The following ZNF175 variants were observed in gnomAD, a reference collection of about 807,000 sequenced individuals.
ZNF175 encodes the protein zinc finger protein OTK18.
Under a neutral mutation model 14.0 loss-of-function variants are expected in ZNF175, and 8 were observed. The ratio of observed to expected loss-of-function variants is 0.57; its 90% CI spans 0.34 to 1.03. The LOEUF (loss-of-function observed/expected upper bound fraction) is 1.03, where lower values mean the gene tolerates loss of function less well. Among genes scored for constraint, ZNF175 ranks in the 50% least tolerant of loss-of-function variants. The probability of loss-of-function intolerance (pLI) is 0.03; values close to 1 mark genes in which losing one functional copy is unlikely to be tolerated. For synonymous variants in ZNF175, 255 were observed against 296.8 expected (o/e 0.86, Z 1.45); for missense variants, 764 against 849.5 (o/e 0.90, Z 1.25).
Position 51,587,616 on chromosome 19 carries a change from A to G in ZNF175, c.1285A>G (p.Thr429Ala), listed in dbSNP as rs1353170505. Residue 429 changes from threonine (T) to alanine (A), a missense_variant, in exon 5 of 5, where the codon ACC becomes GCC. By Grantham distance (58) the Thr-to-Ala change is moderately conservative. Coordinates refer to ENST00000262259, the MANE Select transcript of ZNF175 (RefSeq NM_007147.4). ...YACSECGKAF[T>A]QKSTLSLHQR... ...ATGCAGTGAATGTGGGAAAGCCTTT[A>G]CCCAGAAGTCAACACTCAGCTTGCA... 2 of 1,614,208 alleles carry G rather than the reference A, an allele frequency of 1.2e-6. No individual in the cohort carries two copies. Among genetic ancestry groups the G allele is most frequent in the Non-Finnish European group, 1.7e-6 (2 of 1,180,040 alleles).
At chr19:51,578,673 C>T (rs1192949012) in intron 2 of ZNF175, among the ~76,000 whole-genome samples, 2 of 152,074 alleles carry the variant, frequency 1.3e-5, no homozygotes, top group Non-Finnish European at 2.9e-5. Context: ...GAGGCTGACA[C>T]GGGAGAATCA....
intron 4 of ZNF175, among the ~76,000 whole-genome samples, chr19:51,585,008 G>A (rs1027854213): frequency 6.6e-6 from 1 of 152,108 alleles, no homozygotes; most frequent in African/African-American, 2.4e-5. Flanking sequence ...TGAAAGCAAG[G>A]ACCCAAACAG....
At chr19:51,573,750 C>G in intron 2 of ZNF175, 2 of 384,962 alleles carry the variant, frequency 5.2e-6, no homozygotes, top group Non-Finnish European at 9.1e-6. Flanking sequence ...CAAGTGGTCC[C>G]CCCCACCAAA....
Position 51,586,957 on chromosome 19 carries a change from T to C in ZNF175, c.626T>C (p.Leu209Pro), listed in dbSNP as rs1288707400. 1 of 1,614,204 alleles carries C rather than the reference T, an allele frequency of 6.2e-7. No homozygotes were observed. The highest frequency in any genetic ancestry group is 1.1e-5 in the South Asian group (1 of 91,084). Residue 209 changes from leucine (L) to proline (P), a missense_variant, in exon 5 of 5, where the codon CTA becomes CCA. Transcript: ENST00000262259. Reference protein sequence around the residue: ...CLFTESLKLNLEVNGQNESND... With the variant: ...CLFTESLKLNPEVNGQNESND... ...TTTACAGAAAGTTTGAAGCTGAACCTAGAAGTGAACGGTCAGAATGAAAGC... is the reference window on the plus strand; with the variant it reads ...TTTACAGAAAGTTTGAAGCTGAACCCAGAAGTGAACGGTCAGAATGAAAGC...
chr19:51,573,525 C>G, intron 2 of ZNF175, 124 bp downstream of exon 2: 1 of 848,394 alleles, frequency 1.2e-6, no homozygotes, highest in East Asian at 2.6e-5. Context: ...ACCACAGAGG[C>G]TGATGTTTCC....
intron 4 of ZNF175, among the ~76,000 whole-genome samples, chr19:51,584,273 A>G (rs1600085244): frequency 6.6e-6 from 1 of 152,366 alleles, no homozygotes; most frequent in East Asian, 1.9e-4. Context: ...TTAAGGGCAT[A>G]GTACCTATAA....
intron 4 of ZNF175, among the ~76,000 whole-genome samples, chr19:51,583,447 A>T (rs1409076802): frequency 1.3e-5 from 2 of 152,088 alleles, no homozygotes; most frequent in African/African-American, 2.4e-5. Flanking sequence ...CTCTAATTTA[A>T]TTTATTACTT....
chr19:51,592,336 A>C lies in ZNF175; in HGVS notation c.*3869A>C. ...TAATTTCTCCAGCAGCACAATGGGAATAATAATAGATCTCGCCTTGTGGCT... is the reference window on the plus strand; with the variant it reads ...TAATTTCTCCAGCAGCACAATGGGACTAATAATAGATCTCGCCTTGTGGCT... On this transcript the variant is annotated 3_prime_UTR_variant, in exon 5 of 5. Transcript: ENST00000262259. 4 of 309,776 alleles carry C rather than the reference A, an allele frequency of 1.3e-5. No individual in the cohort carries two copies. The highest frequency in any genetic ancestry group is 2.2e-5 in the African/African-American group (1 of 45,936). The allele number at this position is 309,776 out of a possible 1,614,324, so 19.2% of individuals were successfully genotyped here. A position where few individuals can be genotyped will look rare whatever the true frequency, so the allele number is the denominator to read the frequency against.
chr19:51,587,131 T>C lies in ZNF175; in HGVS notation c.800T>C (p.Leu267Pro). ...AAAGTCTGTGGCCATAAACAGTCACTCAAGCAACATCAAATTCATACTCAG... is the reference window on the plus strand; with the variant it reads ...AAAGTCTGTGGCCATAAACAGTCACCCAAGCAACATCAAATTCATACTCAG... ...CRKVCGHKQSLKQHQIHTQKK... is the reference protein window; with the variant it reads ...CRKVCGHKQSPKQHQIHTQKK... The change falls in exon 5 of 5, where the codon CTC becomes CCC. Residue 267 changes from leucine (L) to proline (P), a missense_variant. Coordinates refer to ENST00000262259, the MANE Select transcript of ZNF175 (RefSeq NM_007147.4). 1 of 1,614,172 alleles carries C rather than the reference T, an allele frequency of 6.2e-7. No homozygotes were observed.
intron 2 of ZNF175, among the ~76,000 whole-genome samples, chr19:51,577,681 T>TTTTA (rs1981836602): frequency 1.3e-5 from 2 of 149,970 alleles, no homozygotes; most frequent in African/African-American, 4.9e-5. Flanking sequence ...TTTTTTTTTT[T>TTTTA]GAGATGGAGT....
At chr19:51,578,141 G>A (rs1275022067) in intron 2 of ZNF175, among the ~76,000 whole-genome samples, 1 of 151,776 alleles carries the variant, frequency 6.6e-6, no homozygotes, top group Non-Finnish European at 1.5e-5. Flanking sequence ...GCTCACGCCT[G>A]TAATCCCAGC....
rs151102349 is a variant in ZNF175, at chr19:51,587,908, C to A, written c.1577C>A (p.Thr526Asn). Reference protein sequence around the residue: ...SHLNIHQKIHTGERHHVCSEC... With the variant: ...SHLNIHQKIHNGERHHVCSEC... ...CTGAATATACACCAGAAAATTCATACTGGAGAAAGACACCATGTATGCAGT... is the reference window on the plus strand; with the variant it reads ...CTGAATATACACCAGAAAATTCATAATGGAGAAAGACACCATGTATGCAGT... The change falls in exon 5 of 5, where the codon ACT becomes AAT. Residue 526 changes from threonine (T) to asparagine (N), a missense_variant. Coordinates refer to ENST00000262259, the MANE Select transcript of ZNF175 (RefSeq NM_007147.4). The A allele has an allele frequency of 6.2e-7, 1 of 1,614,012 alleles. No individual in the cohort carries two copies. Among genetic ancestry groups the A allele is most frequent in the Non-Finnish European group, 8.5e-7 (1 of 1,180,022 alleles).
At chr19:51,573,727 C>G (rs959745087) in intron 2 of ZNF175, 9 of 398,372 alleles carry the variant, frequency 2.3e-5, no homozygotes, top group African/African-American at 1.2e-4. Context: ...ACCACTGGGT[C>G]TTTGAAAAAT....
rs902274827 is a variant in ZNF175, at chr19:51,588,022, G to T, written c.1691G>T (p.Cys564Phe). 4 of 1,614,102 alleles carry T rather than the reference G, an allele frequency of 2.5e-6. No individual in the cohort carries two copies. The African/African-American group carries it at 4.0e-5, about 16-fold the overall frequency. The change falls in exon 5 of 5, where the codon TGT (cysteine) becomes TTT (phenylalanine). Residue 564 changes from cysteine to phenylalanine, a missense_variant. Coordinates refer to ENST00000262259, the MANE Select transcript of ZNF175 (RefSeq NM_007147.4). ...TGEKPYKCSE[C>F]GKAFTSKSQF... ...GAGAAGCCTTACAAATGCAGTGAAT[G>T]TGGGAAAGCCTTCACTTCTAAGTCT... is the stretch of plus-strand genomic sequence containing the variant.
chr19:51,581,916 C>T (rs1295384409), intron 4 of ZNF175, 34 bp downstream of exon 4: 1 of 1,578,984 alleles, frequency 6.3e-7, no homozygotes, highest in East Asian at 2.2e-5. Flanking sequence ...ATGTAGATAT[C>T]TTTGCAGGGA....
rs968374882 is a variant in ZNF175 at position 51,588,742 on chromosome 19, G to A, written c.*275G>A. ...TCCCCGGGAAGAAACCCTGACTAACGCATTGAGAAAAGCCTTTCTGTAAAG... is the reference window on the plus strand; with the variant it reads ...TCCCCGGGAAGAAACCCTGACTAACACATTGAGAAAAGCCTTTCTGTAAAG... On this transcript the variant is annotated 3_prime_UTR_variant, in exon 5 of 5. Transcript: ENST00000262259. 1.2e-5 allele frequency: 5 copies of A among 427,612 alleles called. No individual in the cohort carries two copies. Among genetic ancestry groups the A allele is most frequent in the African/African-American group, 4.1e-5 (2 of 48,784 alleles). 26.5% of individuals were successfully genotyped at this position (427,612 alleles called of 1,614,324 possible).
chr19:51,578,942 C>A (rs1160940072), intron 2 of ZNF175, among the ~76,000 whole-genome samples: 1 of 152,072 alleles, frequency 6.6e-6, no homozygotes, highest in Non-Finnish European at 1.5e-5. Context: ...CATGCTGAAA[C>A]CCCATCTCTA....
chr19:51,588,132 A>G lies in ZNF175; in HGVS notation c.1801A>G (p.Asn601Asp), dbSNP rs142309765. 4.3e-6 allele frequency: 7 copies of G among 1,614,020 alleles called. No homozygotes were observed. The highest frequency in any genetic ancestry group is 1.3e-5 in the African/African-American group (1 of 74,916). ...ECGKAFNGRS[N>D]FHKHQITHTR... is the part of the protein sequence containing the mutation. Reference sequence around the variant, plus strand: ...TGGGAAGGCCTTCAACGGCAGGTCAAATTTCCATAAACATCAAATAACTCA... The same window carrying G: ...TGGGAAGGCCTTCAACGGCAGGTCAGATTTCCATAAACATCAAATAACTCA... Residue 601 changes from asparagine (N) to aspartate (D), a missense_variant, in exon 5 of 5, where the codon AAT (asparagine) becomes GAT (aspartate). Physicochemically the swap from Asn to Asp is conservative, Grantham distance 23. Coordinates refer to ENST00000262259, the MANE Select transcript of ZNF175 (RefSeq NM_007147.4).
At chr19:51,571,942 G>T (rs999448162) in intron 1 of ZNF175, among the ~76,000 whole-genome samples, 1 of 152,166 alleles carries the variant, frequency 6.6e-6, no homozygotes, top group Non-Finnish European at 1.5e-5. Context: ...GAGGCGTAGG[G>T]GGTCAATGAT....
Sources: allele counts gnomAD v4.1 joint callset (sites outside exome capture counted in the v4.1 genomes callset), GRCh38; gene constraint gnomAD v4.1.1; transcripts MANE v1.5; gene names NCBI Gene and HGNC (gene_info 2026-07-23, HGNC 2026-07-21).